PCDHA6: variants seen among roughly 807,000 people sequenced by gnomAD.
The protein encoded by PCDHA6 is protocadherin alpha 6.
PCDHA6 carries 55 observed loss-of-function variants against 60.3 expected under a neutral mutation model. The observed-to-expected ratio is 0.91, with a 90% confidence interval of 0.73 to 1.14. The LOEUF (loss-of-function observed/expected upper bound fraction) is 1.14, where lower values mean the gene tolerates loss of function less well. Among genes scored for constraint, PCDHA6 ranks in the 50% most tolerant of loss-of-function variants. The probability of loss-of-function intolerance (pLI) is 0.00; values close to 1 mark genes in which losing one functional copy is unlikely to be tolerated. For missense variants in PCDHA6, 1,327 were observed against 1,256.5 expected, an observed-to-expected ratio of 1.06 and a Z score of -0.85; for synonymous variants, 652 against 557.9, an observed-to-expected ratio of 1.17 and a Z score of -2.38.
intron 1 of PCDHA6, among the ~76,000 whole-genome samples, chr5:140,973,258 C>T (rs952911948): frequency 1.3e-5 from 2 of 152,168 alleles, no homozygotes; most frequent in African/African-American, 4.8e-5. Flanking sequence ...CTTTCAGTGG[C>T]ACCTACTTTT....
intron 3 of PCDHA6, among the ~76,000 whole-genome samples, chr5:140,992,354 A>C (rs996986066): frequency 1.3e-5 from 2 of 152,184 alleles, no homozygotes; most frequent in Non-Finnish European, 2.9e-5. Context: ...TGGAGAGAGG[A>C]GAAAAATGGT....
chr5:140,900,342 A>T (rs965236795), intron 1 of PCDHA6, among the ~76,000 whole-genome samples: 3 of 152,034 alleles, frequency 2.0e-5, no homozygotes, highest in South Asian at 2.1e-4. Context: ...CCGTGGCGCA[A>T]TCTTGGCTCA....
intron 1 of PCDHA6, chr5:140,884,600 C>G: frequency 6.2e-7 from 1 of 1,614,150 alleles, no homozygotes; most frequent in African/African-American, 1.3e-5. Flanking sequence ...CAGCCTTCCT[C>G]CTTGTCTGGG....
In PCDHA6 at chr5:140,828,662, C is replaced by T; in HGVS notation, c.571C>T (p.Gln191Ter). ...DVKINSDDNK[Q>*]IGLLLKKSLD... is the part of the protein sequence containing the mutation. The stretch of plus-strand genomic sequence containing the variant: ...GAAAATAAACAGTGATGACAATAAA[C>T]AAATTGGGCTCTTATTAAAGAAATC... The change falls in exon 1 of 4, where the codon CAA (glutamine) becomes TAA (stop). Residue 191 changes from glutamine to a stop codon, truncating the protein, a stop_gained. Transcript: ENST00000529310. LOFTEE classifies it high-confidence loss of function. The T allele has an allele frequency of 6.2e-7, 1 of 1,614,124 alleles. No homozygotes were observed. Among genetic ancestry groups the T allele is most frequent in the Non-Finnish European group, 8.5e-7 (1 of 1,180,020 alleles).
intron 1 of PCDHA6, among the ~76,000 whole-genome samples, chr5:140,888,151 CT>C (rs1247816625): frequency 4.6e-5 from 7 of 152,106 alleles, no homozygotes; most frequent in Non-Finnish European, 8.8e-5. Context: ...TTTTGCATGA[CT>C]GGTAATCTCT....
At chr5:140,971,695 A>G (rs563817946) in intron 1 of PCDHA6, among the ~76,000 whole-genome samples, 26 of 152,062 alleles carry the variant, frequency 1.7e-4, no homozygotes, top group Admixed American at 5.2e-4. Flanking sequence ...GTACTCACTA[A>G]CCACCCTGCT....
chr5:140,856,465 C>G (rs2044013823), intron 1 of PCDHA6: 1 of 1,598,234 alleles, frequency 6.3e-7, no homozygotes, highest in Non-Finnish European at 8.6e-7. Flanking sequence ...AACAAAAGCT[C>G]TCAATACCTG....
Position 140,835,306 on chromosome 5 carries a change from T to C in PCDHA6, c.2394+4821T>C, listed in dbSNP as rs2150233599. 44 of 1,612,968 alleles carry C rather than the reference T, an allele frequency of 2.7e-5. No individual in the cohort carries two copies. The South Asian group carries it at 4.5e-4, about 17-fold the overall frequency. The stretch of plus-strand genomic sequence containing the variant: ...GGGGCAATCACAGTGATAGGACATA[T>C]GGATTTTGAAGAAAGTAGAGCACAC... On this transcript the variant is annotated intron_variant, in intron 1 of 3. Transcript: ENST00000529310.
intron 1 of PCDHA6, among the ~76,000 whole-genome samples, chr5:140,913,322 T>G (rs1348973730): frequency 6.6e-6 from 1 of 152,190 alleles, no homozygotes; most frequent in Non-Finnish European, 1.5e-5. Context: ...GTAAGTTGTA[T>G]GTGTCTAGGA....
chr5:140,902,572 G>A (rs1249141591), intron 1 of PCDHA6, among the ~76,000 whole-genome samples: 1 of 151,954 alleles, frequency 6.6e-6, no homozygotes, highest in Non-Finnish European at 1.5e-5. Flanking sequence ...GGGTTTTTAA[G>A]ATTTCAATAG....
rs56843453 is a variant in PCDHA6 at position 141,000,391 on chromosome 5, C to A, written c.2543-9236C>A. Reference sequence around the variant, plus strand: ...TCTCTCTCTCTCTCTCTCTCTCTCTCTCTCTATATATATATATATATATAT... The same window carrying A: ...TCTCTCTCTCTCTCTCTCTCTCTCTATCTCTATATATATATATATATATAT... On this transcript the variant is annotated intron_variant, in intron 3 of 3. Transcript: ENST00000529310. Among the ~76,000 whole-genome samples the A allele has an allele frequency of 8.6e-3, 487 of 56,544 alleles. 1 individual carries two copies. Among genetic ancestry groups the A allele is most frequent in the Non-Finnish European group, 9.4e-3 (310 of 32,842 alleles). The allele number at this position is 56,544 out of a possible 152,430, so 37.1% of individuals were successfully genotyped here.
intron 3 of PCDHA6, among the ~76,000 whole-genome samples, chr5:140,988,231 A>G (rs2097289009): frequency 6.6e-6 from 1 of 152,150 alleles, no homozygotes. Context: ...TCAGGGATCT[A>G]TGTGAGTGGG....
intron 1 of PCDHA6, chr5:140,870,081 T>G (rs782572380): frequency 1.2e-6 from 2 of 1,613,698 alleles, no homozygotes. Context: ...ATAAGGGGAC[T>G]CCCCCAATGG....
intron 1 of PCDHA6, among the ~76,000 whole-genome samples, chr5:140,908,828 A>C (rs1490004627): frequency 6.6e-6 from 1 of 152,176 alleles, no homozygotes; most frequent in Non-Finnish European, 1.5e-5. Context: ...GTTACTCGAT[A>C]AATGGGCTGG....
intron 1 of PCDHA6, among the ~76,000 whole-genome samples, chr5:140,921,599 G>A (rs2080288942): frequency 6.6e-6 from 1 of 152,036 alleles, no homozygotes; most frequent in African/African-American, 2.4e-5. Flanking sequence ...GGTTTCAAAG[G>A]TAATAAGAAA....
rs781863441 is a variant in PCDHA6 at position 140,858,454 on chromosome 5, C to A, written c.2394+27969C>A. The A allele has an allele frequency of 2.0e-6, 3 of 1,529,822 alleles. No homozygotes were observed. The South Asian group carries it at 3.6e-5, about 18-fold the overall frequency. The allele number at this position is 1,529,822 out of a possible 1,614,324, so 94.8% of individuals were successfully genotyped here. On this transcript the variant is annotated intron_variant, in intron 1 of 3. Coordinates refer to ENST00000529310, the MANE Select transcript of PCDHA6 (RefSeq NM_018909.4). ...CTAGGAAGGTGGGTTATTACGTTTT[C>A]ATTTTCCTTTTGTGCTTTATGAATA...
At chr5:140,914,166 G>A (rs183790385) in intron 1 of PCDHA6, among the ~76,000 whole-genome samples, 2 of 152,250 alleles carry the variant, frequency 1.3e-5, no homozygotes, top group African/African-American at 2.4e-5. Context: ...TACGGAAAGT[G>A]GGGTGTTGAA....
chr5:140,902,767 G>A (rs1038910114), intron 1 of PCDHA6, among the ~76,000 whole-genome samples: 2 of 145,672 alleles, frequency 1.4e-5, no homozygotes, highest in African/African-American at 5.0e-5. Flanking sequence ...TTATGTCTTT[G>A]CATTCTCATA....
intron 3 of PCDHA6, among the ~76,000 whole-genome samples, chr5:140,996,604 A>G (rs1554255259): frequency 1.3e-5 from 2 of 152,090 alleles, no homozygotes; most frequent in African/African-American, 4.8e-5. Flanking sequence ...CCCCATTTTC[A>G]TTTGGCAAAT....
Sources: allele counts gnomAD v4.1 joint callset (sites outside exome capture counted in the v4.1 genomes callset), GRCh38; gene constraint gnomAD v4.1.1; transcripts MANE v1.5; gene names NCBI Gene and HGNC (gene_info 2026-07-23, HGNC 2026-07-21).